The following ANGPTL2 variants were observed in gnomAD, a reference collection of about 807,000 sequenced individuals.
The protein encoded by ANGPTL2 is angiopoietin like 2.
A neutral mutation model predicts 52.8 loss-of-function variants in ANGPTL2; 25 were observed. That is an observed-to-expected ratio of 0.47 (90% CI 0.35 to 0.66). The LOEUF (loss-of-function observed/expected upper bound fraction) is 0.66. Among genes scored for constraint, ANGPTL2 ranks in the 30% least tolerant of loss-of-function variants. ANGPTL2 has a pLI of 0.01. For synonymous variants in ANGPTL2, 276 were observed against 277.4 expected (o/e 1.00, Z 0.05); for missense variants, 546 against 656.9 (o/e 0.83, Z 1.84).
intron 2 of ANGPTL2, among the ~76,000 whole-genome samples, chr9:127,099,688 T>C (rs968847460): frequency 6.6e-6 from 1 of 152,234 alleles, no homozygotes; most frequent in Non-Finnish European, 1.5e-5. Context: ...TATGGATGTA[T>C]ATATATTCTA....
intron 1 of ANGPTL2, among the ~76,000 whole-genome samples, chr9:127,109,763 T>G (rs1235474509): frequency 6.6e-6 from 1 of 152,206 alleles, no homozygotes; most frequent in Admixed American, 6.5e-5. Flanking sequence ...TTTCACATCA[T>G]TATGCCATTC....
intron 1 of ANGPTL2, among the ~76,000 whole-genome samples, chr9:127,117,121 G>A (rs1174713271): frequency 6.6e-6 from 1 of 152,162 alleles, no homozygotes; most frequent in Non-Finnish European, 1.5e-5. Flanking sequence ...TTCCTGCCTC[G>A]AGTACCTTCC....
At chr9:127,114,496 C>T (rs1051913300) in intron 1 of ANGPTL2, among the ~76,000 whole-genome samples, 4 of 152,214 alleles carry the variant, frequency 2.6e-5, no homozygotes, top group African/African-American at 9.6e-5. Context: ...GGCAGGACGA[C>T]GACAGGAGTG....
chr9:127,115,578 C>T (rs2055322521), intron 1 of ANGPTL2, among the ~76,000 whole-genome samples: 1 of 152,236 alleles, frequency 6.6e-6, no homozygotes, highest in Non-Finnish European at 1.5e-5. Context: ...AAGTAAATAT[C>T]ACAACTGGGA....
At chr9:127,095,230 C>T (rs1284423097) in intron 2 of ANGPTL2, among the ~76,000 whole-genome samples, 2 of 152,126 alleles carry the variant, frequency 1.3e-5, no homozygotes, top group Non-Finnish European at 2.9e-5. Flanking sequence ...AACCCTGTCT[C>T]TACTAAAAAT....
chr9:127,108,877 T>C, intron 1 of ANGPTL2, 97 bp from the exon 2 acceptor site: 5 of 906,572 alleles, frequency 5.5e-6, no homozygotes, highest in Non-Finnish European at 8.0e-6. Flanking sequence ...CAGGCAGAGC[T>C]TTCCAAAAAC....
chr9:127,089,083 G>A lies in ANGPTL2; in HGVS notation c.1338C>T (p.Ser446=). The A allele has an allele frequency of 6.2e-7, 1 of 1,614,238 alleles. No individual in the cohort carries two copies. Among genetic ancestry groups the A allele is most frequent in the Non-Finnish European group, 8.5e-7 (1 of 1,180,048 alleles). ...GGWWYNACAH[S]NLNGVWYRGG... is the part of the protein sequence containing the mutation. ...CGCGGTACCAGACCCCGTTGAGGTT[G>A]GAGTGGGCACAGGCGTTATACCACC... The change falls in exon 5 of 5, where the codon TCC becomes TCT. Residue 446 remains serine, a synonymous_variant. Coordinates refer to ENST00000373425, the MANE Select transcript of ANGPTL2 (RefSeq NM_012098.3).
At chr9:127,100,418 A>G (rs1304056060) in intron 2 of ANGPTL2, among the ~76,000 whole-genome samples, 1 of 152,226 alleles carries the variant, frequency 6.6e-6, no homozygotes, top group African/African-American at 2.4e-5. Context: ...TCCAGAGGCC[A>G]CTGTCCAAAG....
intron 2 of ANGPTL2, among the ~76,000 whole-genome samples, chr9:127,095,552 C>T (rs145652072): frequency 1.9e-3 from 284 of 152,326 alleles, no homozygotes; most frequent in Non-Finnish European, 3.0e-3. Context: ...TGCTGGGCAG[C>T]GGAAGCTCAG....
At chr9:127,114,105 C>A (rs1053098589) in intron 1 of ANGPTL2, among the ~76,000 whole-genome samples, 1 of 152,224 alleles carries the variant, frequency 6.6e-6, no homozygotes, top group Non-Finnish European at 1.5e-5. Flanking sequence ...CTCACTTAAT[C>A]TTCCCAACAG....
At chr9:127,114,316 A>G (rs916458358) in intron 1 of ANGPTL2, among the ~76,000 whole-genome samples, 1 of 152,240 alleles carries the variant, frequency 6.6e-6, no homozygotes, top group Non-Finnish European at 1.5e-5. Context: ...AGTTGAGGAA[A>G]CTATTGAGAT....
intron 4 of ANGPTL2, 70 bp from the exon 5 acceptor site, chr9:127,089,208 G>C: frequency 6.5e-7 from 1 of 1,537,170 alleles, no homozygotes; most frequent in Non-Finnish European, 9.0e-7. Flanking sequence ...AGTGCTCAGG[G>C]CTTTCGGCAA....
chr9:127,091,589 C>G lies in ANGPTL2; in HGVS notation c.1282+81G>C. Reference sequence around the variant, plus strand: ...TCTCACCCTGGGATCTTCCCGTTTCCAAGCCCTGGAGTCAGGGGCTCTGGC... The same window carrying G: ...TCTCACCCTGGGATCTTCCCGTTTCGAAGCCCTGGAGTCAGGGGCTCTGGC... On this transcript the variant is annotated intron_variant, in intron 4 of 4. Coordinates refer to ENST00000373425, the MANE Select transcript of ANGPTL2 (RefSeq NM_012098.3). The surrounding 1 kb of genome is among the most constrained non-coding windows in gnomAD (Gnocchi z 4.3). 1 of 1,530,550 alleles carries G rather than the reference C, an allele frequency of 6.5e-7. No individual in the cohort carries two copies. The highest frequency in any genetic ancestry group is 8.8e-7 in the Non-Finnish European group (1 of 1,138,530). 94.8% of individuals were successfully genotyped at this position (1,530,550 alleles called of 1,614,324 possible). A position where few individuals can be genotyped will look rare whatever the true frequency, so the allele number is the denominator to read the frequency against.
chr9:127,089,451 C>G (rs968037077), intron 4 of ANGPTL2, among the ~76,000 whole-genome samples: 1 of 152,182 alleles, frequency 6.6e-6, no homozygotes, highest in African/African-American at 2.4e-5. Context: ...AATGAGGATG[C>G]GTACTTGACA....
In ANGPTL2 at chr9:127,122,143, G is replaced by A. The variant is rs999445388; in HGVS notation, c.-50+172C>T. Among the ~76,000 whole-genome samples the A allele has an allele frequency of 1.3e-5, 2 of 152,174 alleles. No individual in the cohort carries two copies. Among genetic ancestry groups the A allele is most frequent in the African/African-American group, 4.8e-5 (2 of 41,442 alleles). On this transcript the variant is annotated intron_variant, in intron 1 of 4. Transcript: ENST00000373425. This position sits in a 1 kb window ranked among gnomAD's most constrained non-coding sequence, Gnocchi z 6.4. Reference sequence around the variant, plus strand: ...CCCCAAACACCACCAAATGTCCACAGGTTCTGCCCCGGACATGCCTCGTTT... The same window carrying A: ...CCCCAAACACCACCAAATGTCCACAAGTTCTGCCCCGGACATGCCTCGTTT...
At position 127,100,747 on chromosome 9, in the gene ANGPTL2, A is replaced by G. The variant is rs546010350; in HGVS notation, c.818-6821T>C. Among the ~76,000 whole-genome samples, 78 of 152,296 alleles carry G rather than the reference A, an allele frequency of 5.1e-4. 2 individuals carry two copies. Among genetic ancestry groups the G allele is most frequent in the South Asian group, 1.2e-3 (6 of 4,830 alleles). On this transcript the variant is annotated intron_variant, in intron 2 of 4. Transcript: ENST00000373425. ...AGAACTTATCAGACCCATGACTACAATCCACAGATATGGACAGGTAGCAGT... is the reference window on the plus strand; with the variant it reads ...AGAACTTATCAGACCCATGACTACAGTCCACAGATATGGACAGGTAGCAGT...
Position 127,088,859 on chromosome 9 carries a change from AGTT to A in ANGPTL2, c.*77_*79del. ...CCAGCCTCAGGATGAACTGGTGAGGAGTTGTTCTTTGTGCTGTGGCCAGCGTGA... is the reference window on the plus strand; with the variant it reads ...CCAGCCTCAGGATGAACTGGTGAGGAGTTCTTTGTGCTGTGGCCAGCGTGA... On this transcript the variant is annotated 3_prime_UTR_variant, in exon 5 of 5. Coordinates refer to ENST00000373425, the MANE Select transcript of ANGPTL2 (RefSeq NM_012098.3). The A allele has an allele frequency of 1.3e-6, 2 of 1,518,930 alleles. No individual in the cohort carries two copies. The highest frequency in any genetic ancestry group is 1.1e-5 in the South Asian group (1 of 87,300). The allele number at this position is 1,518,930 out of a possible 1,614,324, so 94.1% of individuals were successfully genotyped here. A position where few individuals can be genotyped will look rare whatever the true frequency, so the allele number is the denominator to read the frequency against.
intron 2 of ANGPTL2, among the ~76,000 whole-genome samples, chr9:127,105,316 A>T (rs947206132): frequency 1.3e-5 from 2 of 152,216 alleles, no homozygotes; most frequent in Admixed American, 1.3e-4. Context: ...GGGAGACAAA[A>T]GACGGGCGAG....
intron 1 of ANGPTL2, among the ~76,000 whole-genome samples, chr9:127,118,053 A>T (rs1352615081): frequency 6.6e-6 from 1 of 152,172 alleles, no homozygotes; most frequent in Non-Finnish European, 1.5e-5. Flanking sequence ...CCCCACACCC[A>T]ACATTTTATT....
Sources: allele counts gnomAD v4.1 joint callset (sites outside exome capture counted in the v4.1 genomes callset), GRCh38; gene constraint gnomAD v4.1.1; non-coding constraint Gnocchi (gnomAD v3.1); transcripts MANE v1.5; gene names NCBI Gene and HGNC (gene_info 2026-07-23, HGNC 2026-07-21).